The following ESR1 variants were observed in gnomAD, a reference collection of about 807,000 sequenced individuals.
The protein encoded by ESR1 is estrogen receptor 1, also known as estrogen receptor.
In ESR1, 12 loss-of-function variants were observed where a neutral mutation model predicts 52.7. The ratio of observed to expected loss-of-function variants is 0.23; its 90% CI spans 0.15 to 0.37. The LOEUF (loss-of-function observed/expected upper bound fraction) is 0.37. Among genes scored for constraint, ESR1 ranks in the 10% least tolerant of loss-of-function variants. The pLI, the probability that ESR1 is intolerant of heterozygous loss-of-function variation, is 1.00. For synonymous variants in ESR1, 305 were observed against 316.8 expected, an observed-to-expected ratio of 0.96 and a Z score of 0.39; for missense variants, 584 against 779.7, an observed-to-expected ratio of 0.75 and a Z score of 2.99.
chr6:151,860,020 A>G (rs1011552577), intron 2 of ESR1, among the ~76,000 whole-genome samples: 5 of 152,164 alleles, frequency 3.3e-5, no homozygotes, highest in African/African-American at 9.6e-5. Context: ...CCCATTCCCT[A>G]TAGATATCTT....
At chr6:151,659,565 T>G (rs1317257613) in intron 1 of ESR1, among the ~76,000 whole-genome samples, 2 of 152,210 alleles carry the variant, frequency 1.3e-5, no homozygotes, top group Non-Finnish European at 2.9e-5. Flanking sequence ...GCATTCCGAT[T>G]TATCTATAGG....
chr6:151,949,019 A>G (rs1584412880), intron 4 of ESR1, among the ~76,000 whole-genome samples: 2 of 152,324 alleles, frequency 1.3e-5, no homozygotes, highest in Admixed American at 1.3e-4. Context: ...GTTACAGCTC[A>G]ATTTTCCCAT....
intron 2 of ESR1, among the ~76,000 whole-genome samples, chr6:151,730,196 C>A (rs973151335): frequency 3.3e-5 from 5 of 152,038 alleles, no homozygotes; most frequent in Non-Finnish European, 7.4e-5. Flanking sequence ...CATCCTGGTC[C>A]TTAGCCCTGG....
rs767856456 is a variant in ESR1, at chr6:152,098,832, C to G, written c.1654C>G (p.Pro552Ala). 6.2e-7 allele frequency: 1 copy of G among 1,614,166 alleles called. No homozygotes were observed. The highest frequency in any genetic ancestry group is 1.7e-5 in the Admixed American group (1 of 60,020). The change falls in exon 8 of 8, where the codon CCC becomes GCC. Residue 552 changes from proline to alanine, a missense_variant. By Grantham distance (27) the Pro-to-Ala change is conservative. Coordinates refer to ENST00000206249, the MANE Select transcript of ESR1 (RefSeq NM_000125.4). The surrounding 1 kb of genome is among the most constrained non-coding windows in gnomAD (Gnocchi z 5.1). ...GCTGGACGCCCACCGCCTACATGCG[C>G]CCACTAGCCGTGGAGGGGCATCCGT... ...EMLDAHRLHA[P>A]TSRGGASVEE...
intron 6 of ESR1, among the ~76,000 whole-genome samples, chr6:152,077,573 G>C (rs907579206): frequency 6.6e-6 from 1 of 152,230 alleles, no homozygotes; most frequent in Admixed American, 6.5e-5. Flanking sequence ...ACGCCAGCCT[G>C]TGAAAGCAGT....
chr6:151,736,627 C>T (rs1470510644), intron 2 of ESR1, among the ~76,000 whole-genome samples: 1 of 152,090 alleles, frequency 6.6e-6, no homozygotes, highest in African/African-American at 2.4e-5. Context: ...GATCCACCCA[C>T]CTTGGCCTCC....
intron 1 of ESR1, among the ~76,000 whole-genome samples, chr6:151,817,290 A>C (rs544094903): frequency 7.9e-5 from 12 of 152,194 alleles, no homozygotes; most frequent in Non-Finnish European, 1.6e-4. Flanking sequence ...CAAACAAAAC[A>C]AATTTTGGGG....
intron 1 of ESR1, among the ~76,000 whole-genome samples, chr6:151,672,820 A>G (rs370624184): frequency 4.2e-4 from 60 of 141,306 alleles, no homozygotes; most frequent in African/African-American, 1.6e-3. Flanking sequence ...GCTCAAATTC[A>G]TGATCAATTT....
chr6:151,720,997 A>T (rs1273828791), intron 2 of ESR1, among the ~76,000 whole-genome samples: 1 of 152,250 alleles, frequency 6.6e-6, no homozygotes, highest in East Asian at 1.9e-4. Context: ...AACACAACAT[A>T]TCTCCTAGTA....
At chr6:151,758,621 C>A (rs1474392014) in intron 2 of ESR1, among the ~76,000 whole-genome samples, 2 of 151,880 alleles carry the variant, frequency 1.3e-5, no homozygotes, top group African/African-American at 2.4e-5. Flanking sequence ...ATTAGGCAGG[C>A]CTGGTGGTGG....
Position 152,051,933 on chromosome 6 carries a change from G to T in ESR1, c.1236-9058G>T, listed in dbSNP as rs147892865. On this transcript the variant is annotated intron_variant, in intron 5 of 7. Transcript: ENST00000206249. ...ACTATATTCTTATCAACTAGCAGGG[G>T]CCGTGGTCGGGGCTTGTGTTAGTCC... 3.0e-3 allele frequency among the ~76,000 whole-genome samples: 453 copies of T among 152,284 alleles called. 4 individuals carry two copies. The highest frequency in any genetic ancestry group is 0.011 in the African/African-American group (440 of 41,534).
chr6:151,905,180 C>G (rs1797251595), intron 3 of ESR1, among the ~76,000 whole-genome samples: 2 of 152,116 alleles, frequency 1.3e-5, no homozygotes, highest in Non-Finnish European at 2.9e-5. Flanking sequence ...GAAGGCAGAG[C>G]TGGTGGAGGA....
rs1409185170 is a variant in ESR1 at position 151,880,251 on chromosome 6, C to T, written c.644-404C>T. Reference sequence around the variant, plus strand: ...AGGCTGGAGTGCAGTGGCGCAATCTCGGCTCACTGCAACCTCCGCCTCCCG... The same window carrying T: ...AGGCTGGAGTGCAGTGGCGCAATCTTGGCTCACTGCAACCTCCGCCTCCCG... On this transcript the variant is annotated intron_variant, in intron 2 of 7. Coordinates refer to ENST00000206249, the MANE Select transcript of ESR1 (RefSeq NM_000125.4). Among the ~76,000 whole-genome samples, 11 of 138,018 alleles carry T rather than the reference C, an allele frequency of 8.0e-5. No individual in the cohort carries two copies. The Admixed American group carries it at 8.8e-4, about 11-fold the overall frequency. 90.5% of individuals were successfully genotyped at this position (138,018 alleles called of 152,430 possible).
chr6:151,905,550 C>CT (rs960858849), intron 3 of ESR1, among the ~76,000 whole-genome samples: 66 of 152,122 alleles, frequency 4.3e-4, no homozygotes, highest in African/African-American at 1.6e-3. Context: ...AATGAAGCCA[C>CT]TTAATAAAAG....
At chr6:151,914,104 C>T (rs1234271499) in intron 3 of ESR1, among the ~76,000 whole-genome samples, 1 of 151,924 alleles carries the variant, frequency 6.6e-6, no homozygotes, top group Non-Finnish European at 1.5e-5. Flanking sequence ...TGTCTGTCTC[C>T]AATTCCCCCA....
chr6:151,686,689 A>AAACCAACCAACCAACC (rs35551206), upstream of ESR1, among the ~76,000 whole-genome samples: 12 of 126,676 alleles, frequency 9.5e-5, no homozygotes, highest in Admixed American at 2.8e-4. Flanking sequence ...CTCCATCTCA[A>AAACCAACCAACCAACC]AACCAACCAA....
At chr6:151,962,185 T>G (rs887607510) in intron 4 of ESR1, among the ~76,000 whole-genome samples, 2 of 152,198 alleles carry the variant, frequency 1.3e-5, no homozygotes, top group African/African-American at 4.8e-5. Context: ...TCTCTGAGAT[T>G]GGGTTCTGCA....
chr6:151,756,801 GC>G (rs1784323378), intron 2 of ESR1, among the ~76,000 whole-genome samples: 1 of 151,918 alleles, frequency 6.6e-6, no homozygotes, highest in African/African-American at 2.4e-5. Context: ...ACCAGCCTGG[GC>G]AACATGGTGA....
At position 152,061,138 on chromosome 6, in the gene ESR1, A is replaced by C; in HGVS notation, c.1369+14A>C. The stretch of plus-strand genomic sequence containing the variant: ...TGCTTAATTCTGGTGAGTTGATAAC[A>C]CAAGATAACTCAATGCTGGATGAAA... On this transcript the variant is annotated intron_variant, in intron 6 of 7. Coordinates refer to ENST00000206249, the MANE Select transcript of ESR1 (RefSeq NM_000125.4). The surrounding 1 kb of genome is among the most constrained non-coding windows in gnomAD (Gnocchi z 4.3). 1 of 1,612,376 alleles carries C rather than the reference A, an allele frequency of 6.2e-7. No homozygotes were observed. Among genetic ancestry groups the C allele is most frequent in the Non-Finnish European group, 8.5e-7 (1 of 1,178,486 alleles).
Sources: allele counts gnomAD v4.1 joint callset (sites outside exome capture counted in the v4.1 genomes callset), GRCh38; gene constraint gnomAD v4.1.1; non-coding constraint Gnocchi (gnomAD v3.1); transcripts MANE v1.5; gene names NCBI Gene and HGNC (gene_info 2026-07-23, HGNC 2026-07-21).